PDE3B: variants seen among roughly 807,000 people sequenced by gnomAD.
The protein encoded by PDE3B is cGMP-inhibited 3',5'-cyclic phosphodiesterase 3B.
PDE3B carries 66 observed loss-of-function variants against 116.8 expected under a neutral mutation model. The ratio of observed to expected loss-of-function variants is 0.56; its 90% CI spans 0.46 to 0.69. PDE3B has a LOEUF of 0.69. PDE3B is among the 30% of genes least tolerant of loss of function. The probability of loss-of-function intolerance (pLI) is 0.00; values close to 1 mark genes in which losing one functional copy is unlikely to be tolerated. For missense variants in PDE3B, 1,384 were observed against 1,368.1 expected (o/e 1.01, Z -0.18); for synonymous variants, 595 against 533.6 (o/e 1.12, Z -1.59).
At chr11:14,661,984 A>C (rs1466962216) in intron 1 of PDE3B, among the ~76,000 whole-genome samples, 1 of 152,140 alleles carries the variant, frequency 6.6e-6, no homozygotes, top group Non-Finnish European at 1.5e-5. Flanking sequence ...TGGAGATCTG[A>C]GAACGGGCAG....
intron 1 of PDE3B, among the ~76,000 whole-genome samples, chr11:14,753,420 A>G (rs1278283762): frequency 6.6e-6 from 1 of 152,292 alleles, no homozygotes; most frequent in East Asian, 1.9e-4. Flanking sequence ...TTCTGTAATA[A>G]CATGATGTTC....
chr11:14,750,678 T>A (rs1314924849), intron 1 of PDE3B, among the ~76,000 whole-genome samples: 2 of 152,154 alleles, frequency 1.3e-5, no homozygotes, highest in African/African-American at 4.8e-5. Flanking sequence ...AGAATATTAT[T>A]TTGAAAAGGA....
chr11:14,684,278 A>G (rs1397333964), intron 1 of PDE3B, among the ~76,000 whole-genome samples: 1 of 152,174 alleles, frequency 6.6e-6, no homozygotes, highest in Non-Finnish European at 1.5e-5. Context: ...AAAGAGAGGA[A>G]TTTTACAGCT....
intron 1 of PDE3B, among the ~76,000 whole-genome samples, chr11:14,709,762 A>G (rs1361395549): frequency 6.6e-6 from 1 of 152,124 alleles, no homozygotes; most frequent in Non-Finnish European, 1.5e-5. Context: ...GTTTTTTGTC[A>G]CAGTCTTCTT....
chr11:14,656,765 C>T (rs1488424096), intron 1 of PDE3B, among the ~76,000 whole-genome samples: 5 of 152,110 alleles, frequency 3.3e-5, no homozygotes, highest in African/African-American at 1.2e-4. Flanking sequence ...GTTGTTATGG[C>T]TGTTACTATT....
chr11:14,675,909 G>T (rs1443419537), intron 1 of PDE3B, among the ~76,000 whole-genome samples: 3 of 152,088 alleles, frequency 2.0e-5, no homozygotes, highest in Non-Finnish European at 4.4e-5. Flanking sequence ...ATACCTAAGA[G>T]TGAAATTAAG....
At chr11:14,786,112 G>A (rs1858184431) in intron 2 of PDE3B, among the ~76,000 whole-genome samples, 1 of 152,030 alleles carries the variant, frequency 6.6e-6, no homozygotes, top group South Asian at 2.1e-4. Flanking sequence ...TGCCTCTAAA[G>A]TGAGTAAGGT....
intron 2 of PDE3B, chr11:14,776,652 A>AATG (rs1379508897): frequency 1.1e-4 from 16 of 150,554 alleles, no homozygotes; most frequent in African/African-American, 3.9e-4. Flanking sequence ...TAATAATAAT[A>AATG]ATAGTAATAA....
At chr11:14,854,977 A>G (rs1847822543) in intron 12 of PDE3B, among the ~76,000 whole-genome samples, 1 of 152,218 alleles carries the variant, frequency 6.6e-6, no homozygotes, top group Admixed American at 6.5e-5. Flanking sequence ...TATTCTCAGA[A>G]TTTGAAAAAT....
At chr11:14,700,529 A>G (rs920024295) in intron 1 of PDE3B, 4 of 151,842 alleles carry the variant, frequency 2.6e-5, no homozygotes, top group African/African-American at 7.2e-5. Flanking sequence ...AAGTATAGAA[A>G]AGGCATGCCA....
intron 1 of PDE3B, among the ~76,000 whole-genome samples, chr11:14,740,406 T>C (rs1856734244): frequency 6.6e-6 from 1 of 152,236 alleles, no homozygotes; most frequent in Non-Finnish European, 1.5e-5. Context: ...TTTATAGTAC[T>C]CTCTGATGGT....
chr11:14,855,006 G>A (rs1847823076), intron 12 of PDE3B, among the ~76,000 whole-genome samples: 1 of 151,948 alleles, frequency 6.6e-6, no homozygotes, highest in African/African-American at 2.4e-5. Context: ...CATAAAGTAA[G>A]AACAGGAAAC....
chr11:14,758,712 G>A lies in PDE3B; in HGVS notation c.979-13225G>A, dbSNP rs1444749291. Among the ~76,000 whole-genome samples, 37 of 150,822 alleles carry A rather than the reference G, an allele frequency of 2.5e-4. 2 individuals carry two copies. Among genetic ancestry groups the A allele is most frequent in the East Asian group, 7.9e-4 (4 of 5,086 alleles). ...GCTTAAGGAGATTTTGGGCTGAGACGATGGGGTTTTCTAGATATACAATCA... is the reference window on the plus strand; with the variant it reads ...GCTTAAGGAGATTTTGGGCTGAGACAATGGGGTTTTCTAGATATACAATCA... On this transcript the variant is annotated intron_variant, in intron 1 of 15. Transcript: ENST00000282096.
intron 1 of PDE3B, among the ~76,000 whole-genome samples, chr11:14,733,966 G>A (rs1187466544): frequency 6.6e-6 from 1 of 152,256 alleles, no homozygotes; most frequent in Non-Finnish European, 1.5e-5. Flanking sequence ...CTAACATTCA[G>A]TGTGAGGGTA....
intron 12 of PDE3B, among the ~76,000 whole-genome samples, chr11:14,848,903 C>G (rs567958370): frequency 4.6e-5 from 7 of 152,264 alleles, no homozygotes; most frequent in African/African-American, 1.7e-4. Flanking sequence ...TGAAAATGGC[C>G]TTACTGCCCA....
chr11:14,856,427 A>G (rs1847851836), intron 12 of PDE3B, among the ~76,000 whole-genome samples: 1 of 152,200 alleles, frequency 6.6e-6, no homozygotes, highest in Admixed American at 6.5e-5. Flanking sequence ...TTACCCTATA[A>G]AAAAACAACA....
intron 12 of PDE3B, among the ~76,000 whole-genome samples, chr11:14,850,704 G>A (rs1409076661): frequency 6.6e-6 from 1 of 152,022 alleles, no homozygotes; most frequent in East Asian, 1.9e-4. Flanking sequence ...TAGTATAGCT[G>A]GTAAAATATA....
chr11:14,646,353 A>C (rs1267514548), intron 1 of PDE3B, among the ~76,000 whole-genome samples: 2 of 152,224 alleles, frequency 1.3e-5, no homozygotes, highest in Non-Finnish European at 2.9e-5. Context: ...TTCCAATGAC[A>C]CAATACTTTG....
chr11:14,738,377 G>C (rs1856662482), intron 1 of PDE3B, among the ~76,000 whole-genome samples: 2 of 152,220 alleles, frequency 1.3e-5, no homozygotes, highest in South Asian at 4.1e-4. Context: ...CAGTGATGAT[G>C]AGCTTTCTGT....
Sources: allele counts gnomAD v4.1 joint callset (sites outside exome capture counted in the v4.1 genomes callset), GRCh38; gene constraint gnomAD v4.1.1; transcripts MANE v1.5; gene names NCBI Gene and HGNC (gene_info 2026-07-23, HGNC 2026-07-21).